The following RASGRF1 variants were observed in gnomAD, a reference collection of about 807,000 sequenced individuals.
RASGRF1 encodes the protein ras-specific guanine nucleotide-releasing factor 1.
RASGRF1 carries 40 observed loss-of-function variants against 138.7 expected under a neutral mutation model. The ratio of observed to expected loss-of-function variants is 0.29; its 90% CI spans 0.22 to 0.38. The LOEUF (loss-of-function observed/expected upper bound fraction) is 0.38. Among genes scored for constraint, RASGRF1 ranks in the 10% least tolerant of loss-of-function variants. The pLI is 1.00. For missense variants in RASGRF1, 1,108 were observed against 1,650.4 expected (o/e 0.67, Z 5.69); for synonymous variants, 614 against 663.2 (o/e 0.93, Z 1.14).
At chr15:79,082,551 C>T (rs1442748728) in intron 1 of RASGRF1, among the ~76,000 whole-genome samples, 1 of 152,176 alleles carries the variant, frequency 6.6e-6, no homozygotes, top group African/African-American at 2.4e-5. Context: ...CACAACCCAA[C>T]CTACCCTGAC....
chr15:78,992,965 T>C (rs2056300948), intron 20 of RASGRF1, among the ~76,000 whole-genome samples: 2 of 149,978 alleles, frequency 1.3e-5, no homozygotes, highest in African/African-American at 2.4e-5. Flanking sequence ...TTCCAAGTCA[T>C]GTGAATGGAG....
intron 2 of RASGRF1, among the ~76,000 whole-genome samples, chr15:79,061,413 A>AATATAT (rs57956576): frequency 0.23 from 26,421 of 116,948 alleles, 3,208 homozygotes; most frequent in South Asian, 0.33. Context: ...CTATCTTTAA[A>AATATAT]ATATATATAT....
chr15:79,075,361 G>T (rs56117790), intron 1 of RASGRF1, among the ~76,000 whole-genome samples: 1 of 151,894 alleles, frequency 6.6e-6, no homozygotes, highest in Admixed American at 6.6e-5. Context: ...TTGACCTGGC[G>T]GTGCCTGAGC....
intron 1 of RASGRF1, among the ~76,000 whole-genome samples, chr15:79,075,538 C>G (rs557478207): frequency 2.8e-3 from 420 of 152,212 alleles, no homozygotes; most frequent in African/African-American, 8.9e-3. Context: ...GGCTTGAAGC[C>G]CCACCTACTT....
rs1249283307 is a variant in RASGRF1, at chr15:78,998,914, G to A, written c.2747-89C>T. ...AGTCTGGATTTGCCTCTCGGATCTG[G>A]CTGAGCTGGGGTGAGTGAGGGGGTC... On this transcript the variant is annotated intron_variant, in intron 17 of 26. Coordinates refer to ENST00000558480, the MANE Select transcript of RASGRF1 (RefSeq NM_001145648.3). 2.9e-6 allele frequency: 3 copies of A among 1,031,336 alleles called. No homozygotes were observed. In the African/African-American group the frequency reaches 4.7e-5, roughly 16 times the overall value. The allele number at this position is 1,031,336 out of a possible 1,614,324, so 63.9% of individuals were successfully genotyped here. A position where few individuals can be genotyped will look rare whatever the true frequency, so the allele number is the denominator to read the frequency against.
intron 1 of RASGRF1, among the ~76,000 whole-genome samples, chr15:79,071,383 A>G (rs374242535): frequency 7.0e-6 from 1 of 141,862 alleles, no homozygotes. Context: ...TTTTTGAGTC[A>G]GAGTCTCACT....
chr15:79,077,243 C>T (rs149721153), intron 1 of RASGRF1, among the ~76,000 whole-genome samples: 91 of 152,238 alleles, frequency 6.0e-4, no homozygotes, highest in Admixed American at 4.7e-3. Flanking sequence ...AGTCATCAGA[C>T]CTGGGTTCAA....
chr15:79,054,665 G>C (rs1418686769), intron 3 of RASGRF1, among the ~76,000 whole-genome samples: 1 of 152,190 alleles, frequency 6.6e-6, no homozygotes, highest in African/African-American at 2.4e-5. Context: ...AGGATTTTGG[G>C]GAGCAGAGTC....
chr15:79,047,961 C>A (rs757759012), intron 4 of RASGRF1, among the ~76,000 whole-genome samples: 1 of 118,836 alleles, frequency 8.4e-6, no homozygotes, highest in Non-Finnish European at 1.9e-5. Context: ...GAGGCCTGCC[C>A]GAGGCCCAAG....
intron 13 of RASGRF1, among the ~76,000 whole-genome samples, chr15:79,014,564 C>T (rs1249020699): frequency 6.6e-6 from 1 of 152,136 alleles, no homozygotes; most frequent in East Asian, 1.9e-4. Flanking sequence ...ATAAGAATGA[C>T]ACAGTGGACT....
At chr15:79,072,652 C>T (rs1218325933) in intron 1 of RASGRF1, among the ~76,000 whole-genome samples, 1 of 152,200 alleles carries the variant, frequency 6.6e-6, no homozygotes, top group Admixed American at 6.5e-5. Context: ...GAGACAGTCT[C>T]ATAACCTCAG....
intron 7 of RASGRF1, among the ~76,000 whole-genome samples, 184 bp from the exon 8 acceptor site, chr15:79,031,693 GGA>G (rs143486022): frequency 6.0e-4 from 88 of 146,032 alleles, no homozygotes; most frequent in Middle Eastern, 3.5e-3. Flanking sequence ...GGGGAAAGGG[GGA>G]GAGAGAGAGA....
rs1018766611 is a variant in RASGRF1, at chr15:79,001,565, G to A, written c.2575+97C>T. 23 of 1,428,854 alleles carry A rather than the reference G, an allele frequency of 1.6e-5. No individual in the cohort carries two copies. In the East Asian group the frequency reaches 5.7e-4, roughly 35 times the overall value. The allele number at this position is 1,428,854 out of a possible 1,614,324, so 88.5% of individuals were successfully genotyped here. On this transcript the variant is annotated intron_variant, in intron 16 of 26. Coordinates refer to ENST00000558480, the MANE Select transcript of RASGRF1 (RefSeq NM_001145648.3). Reference sequence around the variant, plus strand: ...ACTGCTCTTAGGAGTCACTCATAAAGCATAAGGGATGACACCCACTTGCCT... The same window carrying A: ...ACTGCTCTTAGGAGTCACTCATAAAACATAAGGGATGACACCCACTTGCCT...
intron 15 of RASGRF1, 111 bp downstream of exon 15, chr15:79,003,691 C>G (rs2056597103): frequency 6.8e-7 from 1 of 1,463,196 alleles, no homozygotes; most frequent in African/African-American, 1.4e-5. Flanking sequence ...CAAGCCTCTC[C>G]CTTCCTTCCC....
At chr15:78,994,329 T>C (rs1032219891) in intron 20 of RASGRF1, among the ~76,000 whole-genome samples, 3 of 152,116 alleles carry the variant, frequency 2.0e-5, no homozygotes, top group Non-Finnish European at 4.4e-5. Context: ...GGCAGAGTGC[T>C]TACAGCTTCA....
chr15:79,006,507 A>C lies in RASGRF1; in HGVS notation c.1827-73T>G. ...TGAATGGCACCCACCAGGCCTGCTC[A>C]TCACTGCTTCCCCCACACACTGACA... On this transcript the variant is annotated intron_variant, in intron 13 of 26. Coordinates refer to ENST00000558480, the MANE Select transcript of RASGRF1 (RefSeq NM_001145648.3). This position sits in a 1 kb window ranked among gnomAD's most constrained non-coding sequence, Gnocchi z 4.0. 2.0e-6 allele frequency: 3 copies of C among 1,516,910 alleles called. No homozygotes were observed. The highest frequency in any genetic ancestry group is 2.7e-6 in the Non-Finnish European group (3 of 1,121,846). The allele number at this position is 1,516,910 out of a possible 1,614,324, so 94.0% of individuals were successfully genotyped here.
chr15:79,048,464 T>C (rs935273684), intron 4 of RASGRF1, among the ~76,000 whole-genome samples: 1 of 152,228 alleles, frequency 6.6e-6, no homozygotes, highest in Non-Finnish European at 1.5e-5. Flanking sequence ...TTTGCCTCTC[T>C]GTGTCTCAGC....
intron 14 of RASGRF1, chr15:79,004,777 T>C (rs2056633658): frequency 1.0e-6 from 1 of 985,544 alleles, no homozygotes; most frequent in Non-Finnish European, 1.2e-6. Context: ...ATCCAGAACA[T>C]TGCAAACCAT....
intron 2 of RASGRF1, 71 bp from the exon 3 acceptor site, chr15:79,058,552 C>T: frequency 6.4e-7 from 1 of 1,574,638 alleles, no homozygotes; most frequent in South Asian, 1.2e-5. Context: ...AGGGCACTGA[C>T]CGGGAGAGGG....
Sources: gnomAD v4.1 joint callset for allele counts (sites outside exome capture counted in the v4.1 genomes callset) on GRCh38, gnomAD v4.1.1 for gene constraint, Gnocchi (gnomAD v3.1) non-coding constraint, MANE v1.5 for transcripts, NCBI Gene and HGNC (gene_info 2026-07-23, HGNC 2026-07-21) for gene names.